Variants in CFAP47 observed in about 807,000 individuals in gnomAD.
CFAP47 encodes cilia and flagella associated protein 47.
In CFAP47, 29 loss-of-function variants were observed where a neutral mutation model predicts 148.1. The ratio of observed to expected loss-of-function variants is 0.20; its 90% CI spans 0.15 to 0.27. The LOEUF is 0.27. Among genes scored for constraint, CFAP47 ranks in the 10% least tolerant of loss-of-function variants. The pLI is 1.00. For missense variants in CFAP47, 1,872 were observed against 1,697.5 expected (o/e 1.10, Z -1.81); for synonymous variants, 664 against 577.3 (o/e 1.15, Z -2.15).
At chrX:35,991,672 G>C in intron 16 of CFAP47, 149 bp from the exon 17 acceptor site, 1 of 248,406 alleles carries the variant, frequency 4.0e-6, no homozygotes, top group Non-Finnish European at 7.1e-6. Flanking sequence ...GAATATAGGA[G>C]TATTATAATT....
intron 27 of CFAP47, among the ~76,000 whole-genome samples, chrX:36,070,689 A>G (rs1227969553): frequency 4.6e-5 from 5 of 109,786 alleles, no homozygotes; most frequent in African/African-American, 1.3e-4. Context: ...ATGGGGTTTC[A>G]CCATGTTGGC....
Position 36,232,996 on chromosome X carries a change from C to A in CFAP47, c.7015-2938C>A, listed in dbSNP as rs1390383564. ...TCTGAGAGACAGTTTGTTATAATTTCTGTTCTTTTACATTTGCTGAGGAGA... is the reference window on the plus strand; with the variant it reads ...TCTGAGAGACAGTTTGTTATAATTTATGTTCTTTTACATTTGCTGAGGAGA... On this transcript the variant is annotated intron_variant, in intron 46 of 63. Coordinates refer to ENST00000378653, the MANE Select transcript of CFAP47 (RefSeq NM_001304548.2). Among the ~76,000 whole-genome samples the A allele has an allele frequency of 2.7e-5, 3 of 111,831 alleles. No homozygotes were observed. In the Admixed American group the frequency reaches 2.9e-4, roughly 11 times the overall value.
In CFAP47 at chrX:36,371,836, G is replaced by A. The variant is rs151304727; in HGVS notation, c.9185+4709G>A. Among the ~76,000 whole-genome samples, 125 of 55,369 alleles carry A rather than the reference G, an allele frequency of 2.3e-3. 15 individuals carry two copies. The highest frequency in any genetic ancestry group is 0.016 in the African/African-American group (110 of 6,707). The allele number at this position is 55,369 out of a possible 115,157, so 48.1% of individuals were successfully genotyped here. On this transcript the variant is annotated intron_variant, in intron 62 of 63. Coordinates refer to ENST00000378653, the MANE Select transcript of CFAP47 (RefSeq NM_001304548.2). ...TATGTGTGCATATACACACATGTGTGTATATGTGTGTATATATGTGTGCAT... is the reference window on the plus strand; with the variant it reads ...TATGTGTGCATATACACACATGTGTATATATGTGTGTATATATGTGTGCAT...
chrX:36,041,015 C>A (rs1295091096), intron 25 of CFAP47, among the ~76,000 whole-genome samples: 1 of 111,338 alleles, frequency 9.0e-6, no homozygotes, highest in Non-Finnish European at 1.9e-5. Context: ...ACCTTAAATA[C>A]TGATATTAGG....
At chrX:36,109,477 T>A (rs1315392965) in intron 33 of CFAP47, among the ~76,000 whole-genome samples, 1 of 110,843 alleles carries the variant, frequency 9.0e-6, no homozygotes, top group Admixed American at 9.6e-5. Context: ...ACTATATTTT[T>A]TTATTTTTTA....
chrX:36,269,239 G>A (rs1467505957), intron 49 of CFAP47, among the ~76,000 whole-genome samples: 1 of 112,063 alleles, frequency 8.9e-6, no homozygotes, highest in East Asian at 2.8e-4. Context: ...ACTTTACACA[G>A]AGGCTTAGAA....
chrX:36,202,080 G>A (rs997604126), intron 44 of CFAP47, among the ~76,000 whole-genome samples: 29 of 110,651 alleles, frequency 2.6e-4, no homozygotes, highest in African/African-American at 8.6e-4. Context: ...TGCTTACCTC[G>A]TATATATAAT....
At chrX:36,169,513 T>A (rs1939539173) in intron 39 of CFAP47, among the ~76,000 whole-genome samples, 1 of 111,442 alleles carries the variant, frequency 9.0e-6, no homozygotes, top group African/African-American at 3.3e-5. Context: ...TTAAATGCAC[T>A]GCTTCTTTTT....
intron 26 of CFAP47, among the ~76,000 whole-genome samples, chrX:36,064,871 A>G (rs1267062965): frequency 2.7e-5 from 3 of 112,275 alleles, no homozygotes; most frequent in African/African-American, 9.7e-5. Flanking sequence ...TGGTAAACAT[A>G]ATAAGACAAT....
At chrX:36,104,952 A>G (rs1192382994) in intron 33 of CFAP47, among the ~76,000 whole-genome samples, 1 of 112,265 alleles carries the variant, frequency 8.9e-6, no homozygotes, top group Non-Finnish European at 1.9e-5. Context: ...GGAACTCTAG[A>G]ATGAAAGCAT....
rs750281058 is a variant in CFAP47, at chrX:36,071,818, T to A, written c.4319-7T>A. The A allele has an allele frequency of 8.3e-7, 1 of 1,202,665 alleles. No homozygotes were observed. The highest frequency in any genetic ancestry group is 1.1e-6 in the Non-Finnish European group (1 of 891,216). ...TTGCTTACTGTGATCCAATGTGTCA[T>A]TTGTAGATAAGGATGAATATCTTAA... On this transcript the variant is annotated splice_region_variant and splice_polypyrimidine_tract_variant and intron_variant, in intron 27 of 63. Coordinates refer to ENST00000378653, the MANE Select transcript of CFAP47 (RefSeq NM_001304548.2).
At position 36,371,654 on chromosome X, in the gene CFAP47, ATG is replaced by A. The variant is rs201661758; in HGVS notation, c.9185+4533_9185+4534del. ...TGTATATACACACATATGTGTATAT[ATG>A]TGTGTATATACACACATGTGTATAT... is the stretch of plus-strand genomic sequence containing the variant. On this transcript the variant is annotated intron_variant, in intron 62 of 63. Coordinates refer to ENST00000378653, the MANE Select transcript of CFAP47 (RefSeq NM_001304548.2). Among the ~76,000 whole-genome samples, 11 of 80,286 alleles carry A rather than the reference ATG, an allele frequency of 1.4e-4. 1 individual carries two copies. Among genetic ancestry groups the A allele is most frequent in the African/African-American group, 5.3e-4 (10 of 18,702 alleles). 69.7% of individuals were successfully genotyped at this position (80,286 alleles called of 115,157 possible). A position where few individuals can be genotyped will look rare whatever the true frequency, so the allele number is the denominator to read the frequency against.
chrX:36,083,891 T>C (rs1938032925), intron 29 of CFAP47, among the ~76,000 whole-genome samples: 1 of 111,403 alleles, frequency 9.0e-6, no homozygotes, highest in Non-Finnish European at 1.9e-5. Context: ...TTAATTATGG[T>C]TTTTAATCAG....
intron 21 of CFAP47, among the ~76,000 whole-genome samples, chrX:36,003,236 T>C (rs1283838560): frequency 9.1e-6 from 1 of 109,968 alleles, no homozygotes; most frequent in Non-Finnish European, 1.9e-5. Flanking sequence ...TTATATTGAT[T>C]GATTTTTTTA....
At chrX:36,211,697 G>T (rs1940103242) in intron 45 of CFAP47, 4 of 191,371 alleles carry the variant, frequency 2.1e-5, no homozygotes, top group Non-Finnish European at 4.1e-5. Flanking sequence ...AGAAGATGAA[G>T]ATCAAGGGGA....
intron 22 of CFAP47, among the ~76,000 whole-genome samples, chrX:36,023,215 A>T (rs996878140): frequency 1.2e-4 from 13 of 112,680 alleles, no homozygotes; most frequent in African/African-American, 3.9e-4. Flanking sequence ...GCAGAATCAG[A>T]GAGGGACCAC....
intron 42 of CFAP47, among the ~76,000 whole-genome samples, chrX:36,190,568 CT>C (rs1939854810): frequency 8.9e-6 from 1 of 112,435 alleles, no homozygotes; most frequent in Admixed American, 9.4e-5. Context: ...CGACGACAGT[CT>C]ATCAAGTCTC....
intron 2 of CFAP47, among the ~76,000 whole-genome samples, chrX:35,936,443 AT>A (rs34238002): frequency 0.059 from 5,472 of 92,840 alleles, 350 homozygotes; most frequent in African/African-American, 0.18. Context: ...TTGTTGCAGC[AT>A]TTTTTTTTTT....
intron 2 of CFAP47, among the ~76,000 whole-genome samples, chrX:35,936,060 T>C (rs1441285213): frequency 8.9e-6 from 1 of 112,096 alleles, no homozygotes; most frequent in Non-Finnish European, 1.9e-5. Context: ...TTGCCAAGTT[T>C]TGGAAGTTTT....
Sources: gnomAD v4.1 joint callset for allele counts (sites outside exome capture counted in the v4.1 genomes callset) on GRCh38, gnomAD v4.1.1 for gene constraint, MANE v1.5 for transcripts, NCBI Gene and HGNC (gene_info 2026-07-23, HGNC 2026-07-21) for gene names.